The following MYO3A variants were observed in gnomAD, a reference collection of about 807,000 sequenced individuals.
MYO3A encodes myosin-IIIa.
In MYO3A, 180 loss-of-function variants were observed where a neutral mutation model predicts 192.7. The ratio of observed to expected loss-of-function variants is 0.93; its 90% CI spans 0.83 to 1.06. MYO3A has a LOEUF of 1.06. MYO3A is among the 50% of genes least tolerant of loss of function. The probability of loss-of-function intolerance (pLI) is 0.00; values close to 1 mark genes in which losing one functional copy is unlikely to be tolerated. For missense variants in MYO3A, 1,896 were observed against 1,905.0 expected, an observed-to-expected ratio of 1.00 and a Z score of 0.09; for synonymous variants, 628 against 645.3, an observed-to-expected ratio of 0.97 and a Z score of 0.41.
At chr10:26,049,827 C>T (rs1364952752) in intron 10 of MYO3A, among the ~76,000 whole-genome samples, 1 of 151,804 alleles carries the variant, frequency 6.6e-6, no homozygotes, top group Non-Finnish European at 1.5e-5. Flanking sequence ...AGGCACCCAC[C>T]ACCGCGCTCA....
At chr10:26,014,056 A>C (rs1363557178) in intron 6 of MYO3A, among the ~76,000 whole-genome samples, 1 of 152,106 alleles carries the variant, frequency 6.6e-6, no homozygotes, top group African/African-American at 2.4e-5. Context: ...ATCACTTATA[A>C]GTGGGAGCTA....
chr10:26,181,087 A>T (rs1177318464), intron 31 of MYO3A, among the ~76,000 whole-genome samples: 1 of 152,166 alleles, frequency 6.6e-6, no homozygotes, highest in Non-Finnish European at 1.5e-5. Context: ...AATTGACCTG[A>T]GTATTTATAA....
intron 4 of MYO3A, among the ~76,000 whole-genome samples, chr10:25,990,933 T>C (rs1839986805): frequency 6.6e-6 from 1 of 152,164 alleles, no homozygotes; most frequent in African/African-American, 2.4e-5. Context: ...TTGGGTTGGT[T>C]CCAAGTCTTT....
chr10:26,143,574 C>A lies in MYO3A; in HGVS notation c.2389C>A (p.Pro797Thr). The A allele has an allele frequency of 1.2e-6, 2 of 1,614,016 alleles. No homozygotes were observed. Among genetic ancestry groups the A allele is most frequent in the Non-Finnish European group, 1.7e-6 (2 of 1,179,962 alleles). Residue 797 changes from proline to threonine, a missense_variant, in exon 21 of 35, where the codon CCC (proline) becomes ACC (threonine). Physicochemically the swap from Pro to Thr is conservative, Grantham distance 38. Coordinates refer to ENST00000642920, the MANE Select transcript of MYO3A (RefSeq NM_017433.5). ...CCTACTTGATGAAGAAAGTAGATTTCCCAAGGCCACTGACCAGACTCTTGT... is the reference window on the plus strand; with the variant it reads ...CCTACTTGATGAAGAAAGTAGATTTACCAAGGCCACTGACCAGACTCTTGT... ...LSLLDEESRFPKATDQTLVEK... is the reference protein window; with the variant it reads ...LSLLDEESRFTKATDQTLVEK...
At chr10:25,942,513 C>A (rs1836563434) in intron 2 of MYO3A, among the ~76,000 whole-genome samples, 2 of 152,152 alleles carry the variant, frequency 1.3e-5, no homozygotes, top group African/African-American at 4.8e-5. Flanking sequence ...TGAAGAACTG[C>A]TGTACTATTT....
At chr10:26,036,717 A>G (rs932082244) in intron 10 of MYO3A, among the ~76,000 whole-genome samples, 4 of 152,164 alleles carry the variant, frequency 2.6e-5, no homozygotes, top group Non-Finnish European at 5.9e-5. Flanking sequence ...CAACTTGCTC[A>G]TCTCTCCCTG....
At chr10:26,014,381 T>C (rs1217286049) in intron 6 of MYO3A, among the ~76,000 whole-genome samples, 1 of 152,142 alleles carries the variant, frequency 6.6e-6, no homozygotes, top group African/African-American at 2.4e-5. Flanking sequence ...TTAAACTTCA[T>C]ATAACTTTCA....
intron 34 of MYO3A, among the ~76,000 whole-genome samples, chr10:26,211,144 G>T (rs1462121933): frequency 2.0e-5 from 3 of 152,192 alleles, no homozygotes; most frequent in Non-Finnish European, 4.4e-5. Context: ...TACACTGGTG[G>T]CTGGTACTTA....
At chr10:26,027,004 A>G (rs1440864183) in intron 10 of MYO3A, among the ~76,000 whole-genome samples, 1 of 152,164 alleles carries the variant, frequency 6.6e-6, no homozygotes, top group Non-Finnish European at 1.5e-5. Flanking sequence ...TTTTTAAACA[A>G]CTTTGTAAGA....
At chr10:26,013,052 T>C (rs1015041222) in intron 6 of MYO3A, among the ~76,000 whole-genome samples, 1 of 152,132 alleles carries the variant, frequency 6.6e-6, no homozygotes, top group Non-Finnish European at 1.5e-5. Context: ...TAAATGATGC[T>C]GGCAAAACTG....
chr10:26,003,725 G>A (rs950187265), intron 6 of MYO3A, among the ~76,000 whole-genome samples: 2 of 152,018 alleles, frequency 1.3e-5, no homozygotes, highest in African/African-American at 2.4e-5. Context: ...AAATTTAAAG[G>A]ACAGCCCTTA....
At chr10:26,031,236 G>C (rs1260980257) in intron 10 of MYO3A, among the ~76,000 whole-genome samples, 8 of 152,180 alleles carry the variant, frequency 5.3e-5, no homozygotes, top group African/African-American at 1.9e-4. Flanking sequence ...AGAGAATGGA[G>C]AGGATGGGAG....
At chr10:25,978,418 C>T (rs976348307) in intron 4 of MYO3A, among the ~76,000 whole-genome samples, 2 of 152,136 alleles carry the variant, frequency 1.3e-5, no homozygotes, top group African/African-American at 4.8e-5. Context: ...AAGAGAGGAG[C>T]GCTTGTGCAG....
intron 29 of MYO3A, among the ~76,000 whole-genome samples, chr10:26,171,068 G>GA (rs989716463): frequency 6.6e-6 from 1 of 152,090 alleles, no homozygotes; most frequent in African/African-American, 2.4e-5. Flanking sequence ...GAGTATTACA[G>GA]AAAAAACAGG....
At chr10:26,164,887 G>A (rs1309936760) in intron 26 of MYO3A, among the ~76,000 whole-genome samples, 1 of 152,190 alleles carries the variant, frequency 6.6e-6, no homozygotes, top group Non-Finnish European at 1.5e-5. Context: ...GGCTGTGAAT[G>A]CAGAGTCGCC....
intron 10 of MYO3A, among the ~76,000 whole-genome samples, chr10:26,050,657 A>G (rs1294898517): frequency 6.6e-6 from 1 of 152,242 alleles, no homozygotes; most frequent in Admixed American, 6.5e-5. Flanking sequence ...ATTTATTTCA[A>G]CATCTAAAAC....
chr10:26,170,452 A>T lies in MYO3A; in HGVS notation c.3311A>T (p.Glu1104Val). 1 of 1,613,710 alleles carries T rather than the reference A, an allele frequency of 6.2e-7. No individual in the cohort carries two copies. Among genetic ancestry groups the T allele is most frequent in the Non-Finnish European group, 8.5e-7 (1 of 1,179,770 alleles). The change falls in exon 29 of 35, where the codon GAA becomes GTA. Residue 1104 changes from glutamate to valine, a missense_variant. Coordinates refer to ENST00000642920, the MANE Select transcript of MYO3A (RefSeq NM_017433.5). Reference protein sequence around the residue: ...RGHLVRKQRKEIVDMKNTAVT... With the variant: ...RGHLVRKQRKVIVDMKNTAVT... ...CACCTTGTCAGGAAACAAAGAAAAG[A>T]AATTGTTGACATGAAAAACACAGCA...
Position 26,174,108 on chromosome 10 carries a change from A to G in MYO3A, c.3844A>G (p.Lys1282Glu), listed in dbSNP as rs1218389045. 1 of 1,614,200 alleles carries G rather than the reference A, an allele frequency of 6.2e-7. No individual in the cohort carries two copies. The highest frequency in any genetic ancestry group is 2.2e-5 in the East Asian group (1 of 44,890). The change falls in exon 30 of 35, where the codon AAA (lysine) becomes GAA (glutamate). Residue 1282 changes from lysine to glutamate, a missense_variant. Physicochemically the swap from Lys to Glu is moderately conservative, Grantham distance 56. Coordinates refer to ENST00000642920, the MANE Select transcript of MYO3A (RefSeq NM_017433.5). Reference protein sequence around the residue: ...PWLAENETSFKKTLEPTLSQR... With the variant: ...PWLAENETSFEKTLEPTLSQR... Reference sequence around the variant, plus strand: ...GTTAGCTGAAAATGAGACTTCCTTTAAAAAAACTTTGGAACCTACACTTAG... The same window carrying G: ...GTTAGCTGAAAATGAGACTTCCTTTGAAAAAACTTTGGAACCTACACTTAG...
At chr10:26,124,531 G>A (rs1432690433) in intron 18 of MYO3A, among the ~76,000 whole-genome samples, 7 of 152,106 alleles carry the variant, frequency 4.6e-5, no homozygotes, top group Non-Finnish European at 1.0e-4. Flanking sequence ...TGAGCCTATC[G>A]TACTTCCACG....
Sources: allele counts gnomAD v4.1 joint callset (sites outside exome capture counted in the v4.1 genomes callset), GRCh38; gene constraint gnomAD v4.1.1; transcripts MANE v1.5; gene names NCBI Gene and HGNC (gene_info 2026-07-23, HGNC 2026-07-21).